PFKFB3: variants seen among roughly 807,000 people sequenced by gnomAD.
PFKFB3 encodes the protein 6-phosphofructo-2-kinase/fructose-2,6-bisphosphatase 3.
PFKFB3 carries 33 observed loss-of-function variants against 68.0 expected under a neutral mutation model. The observed-to-expected ratio is 0.49, with a 90% CI of 0.37 to 0.65. The LOEUF is 0.65. Ranked by LOEUF, PFKFB3 falls within the 30% of genes least tolerant of loss-of-function variation. The probability of loss-of-function intolerance (pLI) is 0.00; values close to 1 mark genes in which losing one functional copy is unlikely to be tolerated. For synonymous variants in PFKFB3, 315 were observed against 288.2 expected, an observed-to-expected ratio of 1.09 and a Z score of -0.94; for missense variants, 586 against 712.2, an observed-to-expected ratio of 0.82 and a Z score of 2.02.
At chr10:6,297,232 T>A in the PFKFB3 span, among the ~76,000 whole-genome samples, 1 of 152,244 alleles carries the variant, frequency 6.6e-6, no homozygotes, top group African/African-American at 2.4e-5. Flanking sequence ...CGGCCCCTGC[T>A]ATGCATCTGC....
At chr10:6,223,484 G>T (rs1845104260) in intron 11 of PFKFB3, among the ~76,000 whole-genome samples, 1 of 152,172 alleles carries the variant, frequency 6.6e-6, no homozygotes, top group Admixed American at 6.5e-5. Context: ...GGCACTCTTT[G>T]GGCTAAAGTC....
intron 1 of PFKFB3, among the ~76,000 whole-genome samples, chr10:6,182,678 G>C (rs1232099449): frequency 6.6e-6 from 1 of 152,218 alleles, no homozygotes; most frequent in Admixed American, 6.5e-5. Context: ...CCCCTTCTAG[G>C]CTTGTGCCAC....
chr10:6,184,465 C>CT (rs1034253740), intron 1 of PFKFB3, among the ~76,000 whole-genome samples: 10 of 151,690 alleles, frequency 6.6e-5, no homozygotes, highest in African/African-American at 1.7e-4. Context: ...CTTGGTGATT[C>CT]TTTTTTTTAT....
chr10:6,309,818 G>A, the PFKFB3 span, among the ~76,000 whole-genome samples: 2 of 152,038 alleles, frequency 1.3e-5, no homozygotes, highest in Non-Finnish European at 1.5e-5. Flanking sequence ...CAGAGACCGG[G>A]TGATGGGTAC....
the PFKFB3 span, among the ~76,000 whole-genome samples, chr10:6,308,886 A>G: frequency 2.0e-5 from 3 of 152,266 alleles, no homozygotes; most frequent in African/African-American, 7.2e-5. Flanking sequence ...CCCATAAAGT[A>G]GTCTTGCCAA....
intron 1 of PFKFB3, among the ~76,000 whole-genome samples, chr10:6,165,248 T>C (rs1278603106): frequency 6.6e-6 from 1 of 152,204 alleles, no homozygotes; most frequent in Non-Finnish European, 1.5e-5. Context: ...AACATATTGT[T>C]AACAAGGCAC....
the PFKFB3 span, among the ~76,000 whole-genome samples, chr10:6,266,931 G>A: frequency 4.5e-4 from 69 of 152,330 alleles, no homozygotes; most frequent in East Asian, 0.011. Context: ...CATTGACAGC[G>A]TAACGCAAGA....
At chr10:6,255,443 G>A (rs1019322426), downstream of PFKFB3, among the ~76,000 whole-genome samples, 2 of 152,174 alleles carry the variant, frequency 1.3e-5, no homozygotes, top group Non-Finnish European at 2.9e-5. Context: ...TTTCTTTCTA[G>A]TCCCCATGTA....
chr10:6,196,381 A>G (rs565124481), intron 1 of PFKFB3, among the ~76,000 whole-genome samples: 23 of 152,230 alleles, frequency 1.5e-4, no homozygotes, highest in African/African-American at 5.5e-4. Flanking sequence ...TGTATATATA[A>G]GGGGAGTTTA....
intron 1 of PFKFB3, among the ~76,000 whole-genome samples, chr10:6,197,347 T>C (rs375975893): frequency 1.3e-5 from 2 of 152,164 alleles, no homozygotes; most frequent in Non-Finnish European, 2.9e-5. Flanking sequence ...CAGTATTCTG[T>C]AGAGTCACAT....
At chr10:6,182,505 A>T (rs944380743) in intron 1 of PFKFB3, among the ~76,000 whole-genome samples, 4 of 152,318 alleles carry the variant, frequency 2.6e-5, no homozygotes, top group African/African-American at 7.2e-5. Flanking sequence ...TTGAAGTCCC[A>T]GGCCGATCCC....
chr10:6,194,924 A>G (rs1021348029), intron 1 of PFKFB3, among the ~76,000 whole-genome samples: 3 of 151,326 alleles, frequency 2.0e-5, no homozygotes, highest in South Asian at 2.1e-4. Flanking sequence ...CCAGGCTGGA[A>G]TGCAGTGGCG....
At chr10:6,168,522 T>C (rs1163218924) in intron 1 of PFKFB3, among the ~76,000 whole-genome samples, 1 of 152,242 alleles carries the variant, frequency 6.6e-6, no homozygotes, top group Non-Finnish European at 1.5e-5. Context: ...AAAAGGCTTC[T>C]ACATGGCCTG....
At chr10:6,182,525 C>A (rs1489201584) in intron 1 of PFKFB3, among the ~76,000 whole-genome samples, 1 of 152,226 alleles carries the variant, frequency 6.6e-6, no homozygotes, top group African/African-American at 2.4e-5. Context: ...CTTCGCCAGA[C>A]CTCCCAGGCC....
chr10:6,203,804 A>G (rs1175081694), intron 1 of PFKFB3, among the ~76,000 whole-genome samples: 1 of 152,052 alleles, frequency 6.6e-6, no homozygotes, highest in African/African-American at 2.4e-5. Context: ...TTCACTTAAT[A>G]ACCTATTTCT....
In PFKFB3 at chr10:6,210,467, T is replaced by A. The variant is rs1456301443; in HGVS notation, c.77-3156T>A. ...GCTCCGCCTCCCGGGTTCACGCCAT[T>A]CTCCTGCCTCAGCCTCCCGAGTAGC... On this transcript the variant is annotated intron_variant, in intron 1 of 14. Coordinates refer to ENST00000379775, the MANE Select transcript of PFKFB3 (RefSeq NM_004566.4). 1.8e-5 allele frequency among the ~76,000 whole-genome samples: 2 copies of A among 113,272 alleles called. 1 individual carries two copies. 74.3% of individuals were successfully genotyped at this position (113,272 alleles called of 152,430 possible). A position where few individuals can be genotyped will look rare whatever the true frequency, so the allele number is the denominator to read the frequency against.
At chr10:6,163,956 C>T (rs1015392302) in intron 1 of PFKFB3, 2 of 152,396 alleles carry the variant, frequency 1.3e-5, no homozygotes, top group Non-Finnish European at 2.9e-5. Context: ...AGGATGTTTT[C>T]CGAGAAGGCC....
the PFKFB3 span, among the ~76,000 whole-genome samples, chr10:6,297,192 T>C: frequency 3.3e-5 from 5 of 152,230 alleles, no homozygotes; most frequent in African/African-American, 4.8e-5. Flanking sequence ...AGTGTTTGGC[T>C]AAGTGCTGGA....
Position 6,216,764 on chromosome 10 carries a change from A to C in PFKFB3, c.425A>C (p.Lys142Thr). 1 of 1,613,104 alleles carries C rather than the reference A, an allele frequency of 6.2e-7. No homozygotes were observed. The highest frequency in any genetic ancestry group is 8.5e-7 in the Non-Finnish European group (1 of 1,179,032). ...AGACACATGATCCTTCATTTTGCCAAAGAAAATGACTTTAAGGTGAGCTGA... is the reference window on the plus strand; with the variant it reads ...AGACACATGATCCTTCATTTTGCCACAGAAAATGACTTTAAGGTGAGCTGA... ...ERRHMILHFA[K>T]ENDFKAFFIE... The change falls in exon 5 of 15, where the codon AAA becomes ACA. Residue 142 changes from lysine (K) to threonine (T), a missense_variant. Lys to Thr is a moderately conservative substitution (Grantham distance 78). Coordinates refer to ENST00000379775, the MANE Select transcript of PFKFB3 (RefSeq NM_004566.4).
Sources: allele counts gnomAD v4.1 joint callset (sites outside exome capture counted in the v4.1 genomes callset), GRCh38; gene constraint gnomAD v4.1.1; transcripts MANE v1.5; gene names NCBI Gene and HGNC (gene_info 2026-07-23, HGNC 2026-07-21).